ESR1: variants seen among roughly 807,000 people sequenced by gnomAD.
ESR1 encodes the protein estrogen receptor 1, also known as estrogen receptor.
In ESR1, 12 loss-of-function variants were observed where a neutral mutation model predicts 52.7. The ratio of observed to expected loss-of-function variants is 0.23; its 90% CI spans 0.15 to 0.37. The LOEUF is 0.37. Ranked by LOEUF, ESR1 falls within the 10% of genes least tolerant of loss-of-function variation. The pLI is 1.00. For missense variants in ESR1, 584 were observed against 779.7 expected (o/e 0.75, Z 2.99); for synonymous variants, 305 against 316.8 (o/e 0.96, Z 0.39).
chr6:152,000,407 A>T (rs1232560298), intron 4 of ESR1, among the ~76,000 whole-genome samples: 1 of 152,038 alleles, frequency 6.6e-6, no homozygotes, highest in Non-Finnish European at 1.5e-5. Context: ...AGAAAAACTT[A>T]ACAGTCCTGT....
rs9340912 is a variant in ESR1 at position 151,952,015 on chromosome 6, T to A, written c.1096+7507T>A. ...GTCACCAGCTTGGTCTACATCCTAC[T>A]TTGATCATTTGGATTTAGGTCCCAC... On this transcript the variant is annotated intron_variant, in intron 4 of 7. Transcript: ENST00000206249. Among the ~76,000 whole-genome samples the A allele has an allele frequency of 8.5e-5, 13 of 152,352 alleles. No individual in the cohort carries two copies. In the East Asian group the frequency reaches 2.5e-3, roughly 29 times the overall value.
At chr6:152,055,251 A>G (rs964135392) in intron 5 of ESR1, among the ~76,000 whole-genome samples, 1 of 152,154 alleles carries the variant, frequency 6.6e-6, no homozygotes, top group Non-Finnish European at 1.5e-5. Flanking sequence ...AATTTTGGGC[A>G]GGGTCCTCTG....
At chr6:151,736,820 G>A (rs888674316) in intron 2 of ESR1, among the ~76,000 whole-genome samples, 3 of 152,200 alleles carry the variant, frequency 2.0e-5, no homozygotes, top group East Asian at 3.9e-4. Flanking sequence ...GTGACTTTGT[G>A]CAAGCAGCAA....
chr6:151,700,532 A>G (rs1779690556), intron 1 of ESR1, among the ~76,000 whole-genome samples: 1 of 152,178 alleles, frequency 6.6e-6, no homozygotes, highest in Admixed American at 6.5e-5. Context: ...TCTATTTGAT[A>G]TGGAAACCAT....
chr6:151,994,137 A>C (rs998711093), intron 4 of ESR1, among the ~76,000 whole-genome samples: 3 of 152,184 alleles, frequency 2.0e-5, no homozygotes, highest in African/African-American at 7.2e-5. Flanking sequence ...TCACAGAGGC[A>C]GCCAGATTAG....
chr6:151,726,897 G>A (rs1781888959), intron 2 of ESR1, among the ~76,000 whole-genome samples: 1 of 151,866 alleles, frequency 6.6e-6, no homozygotes, highest in Non-Finnish European at 1.5e-5. Context: ...CACTACAATG[G>A]GAAGAAAAAG....
rs375469722 is a variant in ESR1, at chr6:151,861,882, A to G, written c.644-18773A>G. ...GACCAAGTGTTTTGCATGATTTACA[A>G]TGGACTGCATAAATGTAGCCTAACA... On this transcript the variant is annotated intron_variant, in intron 2 of 7. Transcript: ENST00000206249. 6.6e-5 allele frequency among the ~76,000 whole-genome samples: 10 copies of G among 152,244 alleles called. No homozygotes were observed. In the East Asian group the frequency reaches 1.2e-3, roughly 18 times the overall value.
chr6:151,877,024 G>T (rs1791949620), intron 2 of ESR1, among the ~76,000 whole-genome samples: 1 of 151,144 alleles, frequency 6.6e-6, no homozygotes, highest in Admixed American at 6.6e-5. Context: ...GGTGTGAGTT[G>T]TTTTTTAGAA....
chr6:151,843,556 C>T (rs1784638567), intron 2 of ESR1, among the ~76,000 whole-genome samples: 1 of 152,164 alleles, frequency 6.6e-6, no homozygotes, highest in Admixed American at 6.6e-5. Flanking sequence ...AATACCTATG[C>T]TGAATATCCT....
chr6:151,867,879 C>T (rs1056104298), intron 2 of ESR1, among the ~76,000 whole-genome samples: 8 of 152,312 alleles, frequency 5.3e-5, no homozygotes, highest in Admixed American at 3.3e-4. Flanking sequence ...TCTTGTACTA[C>T]AGGAACCCTT....
chr6:151,789,005 T>C (rs1007128290), intron 2 of ESR1, among the ~76,000 whole-genome samples: 4 of 152,140 alleles, frequency 2.6e-5, no homozygotes, highest in African/African-American at 9.7e-5. Context: ...TAATGGGTAC[T>C]AGGCTTAATA....
chr6:151,837,538 C>T (rs985213310), intron 1 of ESR1, among the ~76,000 whole-genome samples: 6 of 152,138 alleles, frequency 3.9e-5, no homozygotes, highest in African/African-American at 1.2e-4. Context: ...TATGATCTCT[C>T]ATGCTTCTGG....
chr6:152,067,937 A>T (rs2048096136), intron 6 of ESR1, among the ~76,000 whole-genome samples: 1 of 152,260 alleles, frequency 6.6e-6, no homozygotes, highest in African/African-American at 2.4e-5. Flanking sequence ...TGTAGCTTCT[A>T]CTTAAATTGG....
intron 1 of ESR1, among the ~76,000 whole-genome samples, chr6:151,685,035 C>CAAGCT (rs1233938998): frequency 2.7e-5 from 4 of 149,360 alleles, no homozygotes; most frequent in Admixed American, 1.3e-4. Flanking sequence ...GGAGTTTGTG[C>CAAGCT]AAGCTGGGAA....
At chr6:151,914,502 T>C (rs1398014791) in intron 3 of ESR1, among the ~76,000 whole-genome samples, 4 of 152,188 alleles carry the variant, frequency 2.6e-5, no homozygotes, top group Non-Finnish European at 5.9e-5. Context: ...CAAGAAATAA[T>C]AAGAATGAGA....
rs17847065 is a variant in ESR1, at chr6:151,808,349, C to A, written c.437C>A (p.Pro146Gln). 1.9e-3 allele frequency: 2,812 copies of A among 1,511,840 alleles called. 52 individuals are homozygous for A. In the East Asian group the frequency reaches 0.039, roughly 21 times the overall value. 93.7% of individuals were successfully genotyped at this position (1,511,840 alleles called of 1,614,324 possible). The change falls in exon 1 of 8, where the codon CCG (proline) becomes CAG (glutamine). Residue 146 changes from proline to glutamine, a missense_variant. This residue lies in a region of ESR1 where 251 missense variants were observed against 246.1 expected (regional missense o/e 1.02). Coordinates refer to ENST00000206249, the MANE Select transcript of ESR1 (RefSeq NM_000125.4). ...PSGYTVREAG[P>Q]PAFYRPNSDN... ...GGCTACACGGTGCGCGAGGCCGGCCCGCCGGCATTCTACAGGTACCCGCGC... is the reference window on the plus strand; with the variant it reads ...GGCTACACGGTGCGCGAGGCCGGCCAGCCGGCATTCTACAGGTACCCGCGC...
At chr6:151,976,805 C>G (rs377138465) in intron 4 of ESR1, among the ~76,000 whole-genome samples, 1 of 152,048 alleles carries the variant, frequency 6.6e-6, no homozygotes, top group African/African-American at 2.4e-5. Context: ...ATGCCCTTAA[C>G]AGTAAAAAGT....
intron 4 of ESR1, among the ~76,000 whole-genome samples, chr6:151,973,272 G>A (rs2039095158): frequency 6.6e-6 from 1 of 152,168 alleles, no homozygotes; most frequent in South Asian, 2.1e-4. Flanking sequence ...AGGCTTAGAG[G>A]GGTTGAGTAA....
intron 6 of ESR1, among the ~76,000 whole-genome samples, chr6:152,078,201 A>C (rs2048899303): frequency 1.3e-5 from 2 of 152,184 alleles, no homozygotes; most frequent in South Asian, 4.1e-4. Context: ...TGGTTTTATC[A>C]GGGTTTCCGC....
Sources: allele counts gnomAD v4.1 joint callset (sites outside exome capture counted in the v4.1 genomes callset), GRCh38; gene constraint gnomAD v4.1.1; regional missense constraint gnomAD v4.1.1; transcripts MANE v1.5; gene names NCBI Gene and HGNC (gene_info 2026-07-23, HGNC 2026-07-21).